The following ROBO2 variants were observed in gnomAD, a reference collection of about 807,000 sequenced individuals.
ROBO2 encodes roundabout homolog 2.
A neutral mutation model predicts 160.8 loss-of-function variants in ROBO2; 53 were observed. The observed-to-expected ratio is 0.33, with a 90% CI of 0.26 to 0.41. ROBO2 has a LOEUF of 0.41. Among genes scored for constraint, ROBO2 ranks in the 10% least tolerant of loss-of-function variants. The probability of loss-of-function intolerance (pLI) is 1.00; values close to 1 mark genes in which losing one functional copy is unlikely to be tolerated. For missense variants in ROBO2, 1,577 were observed against 1,722.4 expected (o/e 0.92, Z 1.49); for synonymous variants, 664 against 611.7 (o/e 1.09, Z -1.26).
chr3:76,519,827 A>T (rs1428773362), intron 2 of ROBO2, among the ~76,000 whole-genome samples: 1 of 152,158 alleles, frequency 6.6e-6, no homozygotes, highest in Non-Finnish European at 1.5e-5. Context: ...CTTTGATCTG[A>T]ATCAGTCTCT....
intron 19 of ROBO2, among the ~76,000 whole-genome samples, chr3:77,601,328 C>T (rs1487197045): frequency 1.3e-5 from 2 of 152,046 alleles, no homozygotes; most frequent in African/African-American, 4.8e-5. Flanking sequence ...GGATTAAAAA[C>T]AGTGTTATTT....
intron 2 of ROBO2, among the ~76,000 whole-genome samples, chr3:76,909,092 C>T (rs963401752): frequency 6.6e-5 from 10 of 151,980 alleles, no homozygotes; most frequent in Admixed American, 5.2e-4. Flanking sequence ...GGCTTAGTGG[C>T]GCACACAGCC....
intron 2 of ROBO2, among the ~76,000 whole-genome samples, chr3:76,725,755 T>A (rs1442800709): frequency 6.6e-6 from 1 of 152,080 alleles, no homozygotes; most frequent in African/African-American, 2.4e-5. Flanking sequence ...CAGGCCTCAG[T>A]GGAATTCTAC....
At chr3:76,577,613 T>G (rs1036786412) in intron 2 of ROBO2, among the ~76,000 whole-genome samples, 1 of 152,258 alleles carries the variant, frequency 6.6e-6, no homozygotes, top group Non-Finnish European at 1.5e-5. Context: ...CACCACAACA[T>G]GAGTAAGTGC....
At chr3:77,476,390 G>GTGTGTGTGTGTGTGTGTGTT (rs1390076358) in intron 2 of ROBO2, among the ~76,000 whole-genome samples, 2 of 151,794 alleles carry the variant, frequency 1.3e-5, no homozygotes, top group African/African-American at 4.8e-5. Context: ...GTGTGTGTGT[G>GTGTGTGTGTGTGTGTGTGTT]TGTGTGTGTG....
chr3:76,071,716 A>C (rs1393433109), intron 2 of ROBO2, among the ~76,000 whole-genome samples: 4 of 152,218 alleles, frequency 2.6e-5, no homozygotes, highest in Non-Finnish European at 2.9e-5. Flanking sequence ...CACTAAGAGA[A>C]TTGGAAAACA....
chr3:76,407,619 C>T (rs1368851109), intron 2 of ROBO2, among the ~76,000 whole-genome samples: 1 of 151,904 alleles, frequency 6.6e-6, no homozygotes, highest in East Asian at 1.9e-4. Context: ...GTCAAAGTGT[C>T]TGATTGAGGG....
chr3:76,850,534 C>T (rs1351944738), intron 2 of ROBO2, among the ~76,000 whole-genome samples: 1 of 152,132 alleles, frequency 6.6e-6, no homozygotes, highest in Non-Finnish European at 1.5e-5. Context: ...CTGAAGTATG[C>T]ATTTCAAACT....
In ROBO2 at chr3:77,625,723, A is replaced by T. The variant is rs537541424; in HGVS notation, c.3760+3291A>T. ...AGTAGCCTGTATTTTGTGTGGTCTC[A>T]TTAGCTAAGAATGGTTTTTCACATT... On this transcript the variant is annotated intron_variant, in intron 23 of 25. Coordinates refer to ENST00000461745, the Ensembl canonical transcript of ROBO2. 2.0e-4 allele frequency among the ~76,000 whole-genome samples: 30 copies of T among 152,276 alleles called. 2 individuals carry two copies. The South Asian group carries it at 6.2e-3, about 32-fold the overall frequency.
intron 2 of ROBO2, among the ~76,000 whole-genome samples, chr3:76,280,960 C>A (rs1490396203): frequency 1.3e-5 from 2 of 151,892 alleles, no homozygotes; most frequent in Non-Finnish European, 2.9e-5. Flanking sequence ...TGGAGCCACC[C>A]TTCTGGAAGG....
intron 2 of ROBO2, among the ~76,000 whole-genome samples, chr3:77,404,888 T>C (rs993892097): frequency 6.6e-6 from 1 of 152,158 alleles, no homozygotes; most frequent in South Asian, 2.1e-4. Context: ...GATTTCAATA[T>C]GTGCTGAGTA....
In ROBO2 at chr3:77,305,266, A is replaced by G. The variant is rs147636946; in HGVS notation, c.389-172148A>G. Among the ~76,000 whole-genome samples the G allele has an allele frequency of 4.3e-3, 649 of 152,354 alleles. 1 individual carries two copies. Among genetic ancestry groups the G allele is most frequent in the African/African-American group, 0.015 (627 of 41,588 alleles). On this transcript the variant is annotated intron_variant, in intron 2 of 25. Transcript: ENST00000461745. ...TATTGTCAATGTGGAATTTTTAAAC[A>G]TTGCCTTTGCAGTCATAAAAGAGGC...
At chr3:76,985,224 T>C (rs2060306314) in intron 2 of ROBO2, among the ~76,000 whole-genome samples, 1 of 152,132 alleles carries the variant, frequency 6.6e-6, no homozygotes, top group African/African-American at 2.4e-5. Flanking sequence ...AGCTAAAATA[T>C]ATGTTATACT....
chr3:76,149,807 G>T lies in ROBO2; in HGVS notation c.109+212205G>T, dbSNP rs537952244. Among the ~76,000 whole-genome samples the T allele has an allele frequency of 2.1e-5, 3 of 145,780 alleles. No homozygotes were observed. The South Asian group carries it at 6.6e-4, about 32-fold the overall frequency. ...CATCATCAGTCTAAAACACACATCTGTCTAAAGCACACATCTGTCTAAAAC... is the reference window on the plus strand; with the variant it reads ...CATCATCAGTCTAAAACACACATCTTTCTAAAGCACACATCTGTCTAAAAC... On this transcript the variant is annotated intron_variant, in intron 2 of 26. Coordinates refer to the ROBO2 transcript ENST00000487694.
At position 76,304,377 on chromosome 3, in the gene ROBO2, G is replaced by T. The variant is rs147380651; in HGVS notation, c.109+366775G>T. The stretch of plus-strand genomic sequence containing the variant: ...TATTTTGGCTTGCATAGTCAAAATA[G>T]AACGTTAAAGAATTAGGGAGAAATA... On this transcript the variant is annotated intron_variant, in intron 2 of 26. Transcript: ENST00000487694. Among the ~76,000 whole-genome samples, 393 of 152,244 alleles carry T rather than the reference G, an allele frequency of 2.6e-3. 4 individuals are homozygous for T. Among genetic ancestry groups the T allele is most frequent in the African/African-American group, 9.2e-3 (383 of 41,556 alleles).
At chr3:76,300,406 G>A (rs954598005) in intron 2 of ROBO2, among the ~76,000 whole-genome samples, 4 of 151,642 alleles carry the variant, frequency 2.6e-5, no homozygotes, top group East Asian at 3.9e-4. Context: ...TTCAGCCTCC[G>A]CAGAAGCAGA....
At chr3:77,083,323 G>A (rs934507691) in intron 1 of ROBO2, among the ~76,000 whole-genome samples, 2 of 152,234 alleles carry the variant, frequency 1.3e-5, no homozygotes, top group Non-Finnish European at 1.5e-5. Flanking sequence ...TTCTGGATGC[G>A]TAAGATGAAC....
At chr3:77,556,735 A>C (rs1378142066) in intron 8 of ROBO2, among the ~76,000 whole-genome samples, 1 of 151,952 alleles carries the variant, frequency 6.6e-6, no homozygotes, top group East Asian at 1.9e-4. Flanking sequence ...TTATCTTCAC[A>C]GTTGCTTAGA....
chr3:76,869,637 C>A (rs140158333), intron 2 of ROBO2, among the ~76,000 whole-genome samples: 2,901 of 152,150 alleles, frequency 0.019, 63 homozygotes, highest in African/African-American at 0.055. Flanking sequence ...GCGTGAGCCA[C>A]CGCGCCCGGC....
Sources: gnomAD v4.1 joint callset for allele counts (sites outside exome capture counted in the v4.1 genomes callset) on GRCh38, gnomAD v4.1.1 for gene constraint, MANE v1.5 for transcripts, NCBI Gene and HGNC (gene_info 2026-07-23, HGNC 2026-07-21) for gene names.